Variants in NBDY observed in about 807,000 individuals in gnomAD.
The protein encoded by NBDY is P-body dissociating protein.
Position 56,784,187 on chromosome X carries a change from T to G in NBDY, c.*167-33133T>G, listed in dbSNP as rs956236490. ...CCCCTAGGCAAGAGACCAGGCCGTA[T>G]GCTGAGGTGCACGACACTTGTCCCT... On this transcript the variant is annotated intron_variant, in intron 2 of 2. Coordinates refer to ENST00000374922, the MANE Select transcript of NBDY (RefSeq NM_001348129.2). 9.8e-5 allele frequency among the ~76,000 whole-genome samples: 11 copies of G among 112,449 alleles called. No homozygotes were observed. The Admixed American group carries it at 1.0e-3, about 10-fold the overall frequency.
At chrX:56,734,708 A>T (rs1403743958) in intron 2 of NBDY, among the ~76,000 whole-genome samples, 1 of 111,795 alleles carries the variant, frequency 8.9e-6, no homozygotes, top group Non-Finnish European at 1.9e-5. Flanking sequence ...GAGTAGATGG[A>T]CCAAAAACAA....
At chrX:56,736,357 C>T (rs910387499) in intron 2 of NBDY, among the ~76,000 whole-genome samples, 37 of 112,104 alleles carry the variant, frequency 3.3e-4, no homozygotes, top group Non-Finnish European at 5.8e-4. Flanking sequence ...CTCCGCCCCC[C>T]GGGGTCAAGC....
At chrX:56,738,601 A>G (rs919760996) in intron 2 of NBDY, among the ~76,000 whole-genome samples, 57 of 111,861 alleles carry the variant, frequency 5.1e-4, no homozygotes, top group African/African-American at 1.9e-3. Context: ...ATTTGCTAGA[A>G]CAACACACAG....
chrX:56,747,422 G>A (rs1031918928), intron 2 of NBDY, among the ~76,000 whole-genome samples: 1 of 111,687 alleles, frequency 9.0e-6, no homozygotes, highest in Non-Finnish European at 1.9e-5. Flanking sequence ...ATGGATGATT[G>A]TAGATGGGTA....
intron 2 of NBDY, among the ~76,000 whole-genome samples, chrX:56,815,669 G>T (rs1343731321): frequency 9.0e-6 from 1 of 111,640 alleles, no homozygotes; most frequent in Non-Finnish European, 1.9e-5. Flanking sequence ...ACTATGTTTT[G>T]GTGGACACAT....
chrX:56,810,847 T>C (rs1174751744), intron 2 of NBDY, among the ~76,000 whole-genome samples: 1 of 111,736 alleles, frequency 8.9e-6, no homozygotes, highest in African/African-American at 3.3e-5. Context: ...TTTTGGAATT[T>C]TCAACCTTTT....
chrX:56,785,469 A>G (rs943720030), intron 2 of NBDY, among the ~76,000 whole-genome samples: 1 of 110,920 alleles, frequency 9.0e-6, no homozygotes, highest in Non-Finnish European at 1.9e-5. Flanking sequence ...GTCTGGCCAG[A>G]CACCTTCATT....
At chrX:56,753,265 C>A (rs1197445009) in intron 2 of NBDY, among the ~76,000 whole-genome samples, 1 of 112,260 alleles carries the variant, frequency 8.9e-6, no homozygotes, top group East Asian at 2.8e-4. Context: ...AGCTAGGAAG[C>A]ACAAAGGATA....
At chrX:56,794,782 T>C (rs2069784086) in intron 2 of NBDY, among the ~76,000 whole-genome samples, 1 of 112,305 alleles carries the variant, frequency 8.9e-6, no homozygotes, top group African/African-American at 3.2e-5. Flanking sequence ...CACTTGTCTC[T>C]AGGCAGCAGT....
intron 2 of NBDY, among the ~76,000 whole-genome samples, chrX:56,734,854 G>A (rs1419604665): frequency 8.9e-6 from 1 of 112,277 alleles, no homozygotes; most frequent in Non-Finnish European, 1.9e-5. Flanking sequence ...TGCATACTAT[G>A]TGCCAGAGAC....
At chrX:56,789,849 T>C (rs2069751380) in intron 2 of NBDY, among the ~76,000 whole-genome samples, 1 of 111,676 alleles carries the variant, frequency 9.0e-6, no homozygotes, top group Non-Finnish European at 1.9e-5. Flanking sequence ...TGGTCATTCT[T>C]CCCATGTGCA....
In NBDY at chrX:56,766,356, C is replaced by A. The variant is rs946822948; in HGVS notation, c.*166+34157C>A. Among the ~76,000 whole-genome samples the A allele has an allele frequency of 3.6e-5, 4 of 111,780 alleles. No homozygotes were observed. The Admixed American group carries it at 3.8e-4, about 11-fold the overall frequency. Reference sequence around the variant, plus strand: ...CCACTCTCACTCACACAGGGAGGCACACACAGACACACATGCAGGCACTTA... The same window carrying A: ...CCACTCTCACTCACACAGGGAGGCAAACACAGACACACATGCAGGCACTTA... On this transcript the variant is annotated intron_variant, in intron 2 of 2. Transcript: ENST00000374922.
At chrX:56,763,600 T>C (rs2069649536) in intron 2 of NBDY, among the ~76,000 whole-genome samples, 1 of 112,309 alleles carries the variant, frequency 8.9e-6, no homozygotes, top group Non-Finnish European at 1.9e-5. Flanking sequence ...ATCCTAGTCC[T>C]CCTGTGGTGT....
intron 2 of NBDY, among the ~76,000 whole-genome samples, chrX:56,751,909 ATG>A (rs1191395111): frequency 3.6e-5 from 4 of 111,812 alleles, no homozygotes; most frequent in Non-Finnish European, 7.5e-5. Context: ...TTATGTCCAT[ATG>A]TGTTCAATGT....
chrX:56,744,667 G>A (rs1213388571), intron 2 of NBDY, among the ~76,000 whole-genome samples: 1 of 111,308 alleles, frequency 9.0e-6, no homozygotes, highest in South Asian at 3.7e-4. Context: ...CTACAGAAAA[G>A]TCAAAAGATA....
At chrX:56,785,662 CTA>C (rs1444619450) in intron 2 of NBDY, among the ~76,000 whole-genome samples, 1 of 111,626 alleles carries the variant, frequency 9.0e-6, no homozygotes, top group Non-Finnish European at 1.9e-5. Context: ...CAACAGGCCT[CTA>C]TGCAGTCGCG....
intron 2 of NBDY, among the ~76,000 whole-genome samples, chrX:56,791,106 A>C (rs2069760124): frequency 8.9e-6 from 1 of 112,013 alleles, no homozygotes. Flanking sequence ...TCTCAACCTC[A>C]TTGCTCACTC....
At chrX:56,749,894 G>A (rs568581526) in intron 2 of NBDY, among the ~76,000 whole-genome samples, 2 of 111,205 alleles carry the variant, frequency 1.8e-5, no homozygotes, top group African/African-American at 6.5e-5. Flanking sequence ...TTAAGTGATT[G>A]TCCGATTCAG....
intron 2 of NBDY, among the ~76,000 whole-genome samples, chrX:56,761,853 A>T (rs1471393205): frequency 1.8e-5 from 2 of 111,334 alleles, no homozygotes; most frequent in African/African-American, 6.6e-5. Context: ...GTGGCTGATT[A>T]CCTCCTTTCC....
Sources: allele counts gnomAD v4.1 joint callset (sites outside exome capture counted in the v4.1 genomes callset), GRCh38; gene constraint gnomAD v4.1.1; transcripts MANE v1.5; gene names NCBI Gene and HGNC (gene_info 2026-07-23, HGNC 2026-07-21).